Variants in CDH13 observed in about 807,000 individuals in gnomAD.
CDH13 encodes cadherin 13.
CDH13 carries 24 observed loss-of-function variants against 63.8 expected under a neutral mutation model. That is an observed-to-expected ratio of 0.38 (90% CI 0.27 to 0.53). The LOEUF (loss-of-function observed/expected upper bound fraction) is 0.53, where lower values mean the gene tolerates loss of function less well. CDH13 is among the 20% of genes least tolerant of loss of function. CDH13 has a pLI of 0.85. For missense variants in CDH13, 1,049 were observed against 903.1 expected (o/e 1.16, Z -2.07); for synonymous variants, 503 against 355.3 (o/e 1.42, Z -4.67).
chr16:83,549,180 C>G (rs913244161), intron 7 of CDH13, among the ~76,000 whole-genome samples: 2 of 152,082 alleles, frequency 1.3e-5, no homozygotes, highest in Admixed American at 1.3e-4. Context: ...TGGGGAAGGA[C>G]GCAGACAAGC....
At chr16:83,631,511 C>A (rs913771159) in intron 8 of CDH13, among the ~76,000 whole-genome samples, 1 of 152,060 alleles carries the variant, frequency 6.6e-6, no homozygotes, top group African/African-American at 2.4e-5. Flanking sequence ...TTCTCCTGAT[C>A]TCGGGAAGAT....
rs577755506 is a variant in CDH13 at position 83,534,508 on chromosome 16, G to A, written c.960+47853G>A. On this transcript the variant is annotated intron_variant, in intron 7 of 13. Transcript: ENST00000567109. ...TTACAACCACTACCTCCTCTTCCTG[G>A]CTAGCACCTATGTGAAATGAATGTA... is the stretch of plus-strand genomic sequence containing the variant. 3.9e-5 allele frequency among the ~76,000 whole-genome samples: 6 copies of A among 152,284 alleles called. No individual in the cohort carries two copies. The South Asian group carries it at 1.2e-3, about 32-fold the overall frequency.
chr16:82,941,657 A>C (rs1007864552), intron 2 of CDH13, among the ~76,000 whole-genome samples: 1 of 152,174 alleles, frequency 6.6e-6, no homozygotes, highest in Admixed American at 6.6e-5. Context: ...TCCTCCAGGC[A>C]CCAGGCACAT....
chr16:82,780,582 T>C (rs1251647466), intron 1 of CDH13, among the ~76,000 whole-genome samples: 1 of 152,252 alleles, frequency 6.6e-6, no homozygotes, highest in Non-Finnish European at 1.5e-5. Flanking sequence ...TCCCATTTAA[T>C]ATTTTGATCA....
intron 5 of CDH13, 79 bp from the exon 6 acceptor site, chr16:83,344,783 A>C (rs2090801952): frequency 2.0e-6 from 3 of 1,517,550 alleles, no homozygotes; most frequent in Non-Finnish European, 2.7e-6. Flanking sequence ...GATATAACCT[A>C]CTTTCTCTAG....
chr16:83,531,381 A>T (rs1448216801), intron 7 of CDH13, among the ~76,000 whole-genome samples: 1 of 152,192 alleles, frequency 6.6e-6, no homozygotes, highest in East Asian at 1.9e-4. Flanking sequence ...CAGACACCCA[A>T]GTCCTGATCC....
intron 1 of CDH13, among the ~76,000 whole-genome samples, chr16:82,831,988 C>G (rs1425224783): frequency 6.6e-6 from 1 of 152,150 alleles, no homozygotes; most frequent in Non-Finnish European, 1.5e-5. Context: ...TGTAAAAGAG[C>G]AACGCTTGGA....
intron 4 of CDH13, among the ~76,000 whole-genome samples, chr16:83,212,406 G>A (rs930519582): frequency 6.6e-6 from 1 of 152,134 alleles, no homozygotes; most frequent in East Asian, 1.9e-4. Flanking sequence ...GCTTTCCCCT[G>A]AAGAGGGACT....
chr16:83,299,476 C>G (rs2089682668), intron 5 of CDH13, among the ~76,000 whole-genome samples: 1 of 152,200 alleles, frequency 6.6e-6, no homozygotes, highest in Non-Finnish European at 1.5e-5. Flanking sequence ...TCCCCCAAGT[C>G]TCCATCACTC....
intron 7 of CDH13, among the ~76,000 whole-genome samples, chr16:83,543,292 A>C (rs1322305524): frequency 6.6e-6 from 1 of 152,210 alleles, no homozygotes; most frequent in African/African-American, 2.4e-5. Context: ...ACTCCTCATT[A>C]CATATTTTAA....
At chr16:83,575,520 G>A (rs1905027590) in intron 7 of CDH13, among the ~76,000 whole-genome samples, 5 of 152,122 alleles carry the variant, frequency 3.3e-5, no homozygotes, top group African/African-American at 2.4e-5. Flanking sequence ...CTCACACCAC[G>A]TGTCCCTCTG....
At chr16:82,773,199 C>G (rs1256380763) in intron 1 of CDH13, 8 of 152,304 alleles carry the variant, frequency 5.3e-5, no homozygotes, top group Admixed American at 1.3e-4. Flanking sequence ...GAATCATTAG[C>G]AGTCAGGCTG....
intron 1 of CDH13, among the ~76,000 whole-genome samples, chr16:82,857,708 T>C (rs1489864299): frequency 6.6e-6 from 1 of 152,228 alleles, no homozygotes; most frequent in Non-Finnish European, 1.5e-5. Flanking sequence ...TAATAACATA[T>C]ATTTAATTTC....
chr16:83,079,567 T>C (rs1323404591), intron 3 of CDH13, among the ~76,000 whole-genome samples: 1 of 152,230 alleles, frequency 6.6e-6, no homozygotes, highest in East Asian at 1.9e-4. Context: ...GCAAAGTACC[T>C]AGCACTCTCT....
intron 1 of CDH13, among the ~76,000 whole-genome samples, chr16:82,709,588 G>A (rs1406811228): frequency 6.6e-6 from 1 of 152,198 alleles, no homozygotes; most frequent in Non-Finnish European, 1.5e-5. Context: ...CGAGGCTGTG[G>A]ACAATAAATG....
chr16:83,550,052 G>A (rs1191836618), intron 7 of CDH13, among the ~76,000 whole-genome samples: 1 of 152,162 alleles, frequency 6.6e-6, no homozygotes, highest in Non-Finnish European at 1.5e-5. Context: ...TCAAAATTGG[G>A]GATGCTCTTG....
At position 83,492,920 on chromosome 16, in the gene CDH13, C is replaced by A. The variant is rs142805293; in HGVS notation, c.960+6265C>A. Reference sequence around the variant, plus strand: ...ACCTATCAATCCATTAAAGCTAAGACCGTGGCTAGTCTCTTAGTATGACCG... The same window carrying A: ...ACCTATCAATCCATTAAAGCTAAGAACGTGGCTAGTCTCTTAGTATGACCG... On this transcript the variant is annotated intron_variant, in intron 7 of 13. Transcript: ENST00000567109. 1.6e-3 allele frequency among the ~76,000 whole-genome samples: 251 copies of A among 152,296 alleles called. 1 individual carries two copies. The highest frequency in any genetic ancestry group is 0.014 in the Middle Eastern group (4 of 294).
chr16:83,188,431 G>T (rs2038592377), intron 4 of CDH13, among the ~76,000 whole-genome samples: 1 of 152,150 alleles, frequency 6.6e-6, no homozygotes, highest in South Asian at 2.1e-4. Flanking sequence ...ACCAGGCTCT[G>T]CGCCTCTCTG....
At chr16:83,224,311 C>T (rs1226922640) in intron 5 of CDH13, among the ~76,000 whole-genome samples, 3 of 152,204 alleles carry the variant, frequency 2.0e-5, no homozygotes, top group Non-Finnish European at 4.4e-5. Flanking sequence ...CTGCTATAAA[C>T]ATGTGTGTGC....
Sources: gnomAD v4.1 joint callset for allele counts (sites outside exome capture counted in the v4.1 genomes callset) on GRCh38, gnomAD v4.1.1 for gene constraint, MANE v1.5 for transcripts, NCBI Gene and HGNC (gene_info 2026-07-23, HGNC 2026-07-21) for gene names.